Variants in EIF2B3 observed in about 807,000 individuals in gnomAD.
EIF2B3 encodes the protein eukaryotic translation initiation factor 2B subunit gamma.
In EIF2B3, 20 loss-of-function variants were observed where a neutral mutation model predicts 54.1. The observed-to-expected ratio is 0.37, with a 90% CI of 0.26 to 0.54. The LOEUF is 0.54. Ranked by LOEUF, EIF2B3 falls within the 20% of genes least tolerant of loss-of-function variation. The probability of loss-of-function intolerance (pLI) is 0.86; values close to 1 mark genes in which losing one functional copy is unlikely to be tolerated. For synonymous variants in EIF2B3, 153 were observed against 188.1 expected (o/e 0.81, Z 1.52); for missense variants, 448 against 547.8 (o/e 0.82, Z 1.82).
chr1:44,870,176 A>AAG (rs57863923), intron 10 of EIF2B3, among the ~76,000 whole-genome samples: 6,990 of 146,100 alleles, frequency 0.048, 246 homozygotes, highest in African/African-American at 0.096. Context: ...CGTCTCAAAA[A>AAG]AGAGAGAGAG....
intron 4 of EIF2B3, among the ~76,000 whole-genome samples, chr1:44,937,775 G>A (rs906160260): frequency 2.0e-5 from 3 of 151,422 alleles, no homozygotes; most frequent in Non-Finnish European, 2.9e-5. Context: ...TCCCAGCTAC[G>A]CGGGAGGCTG....
intron 1 of EIF2B3, among the ~76,000 whole-genome samples, chr1:44,985,810 G>A (rs1383098562): frequency 1.3e-5 from 2 of 152,188 alleles, no homozygotes; most frequent in East Asian, 3.8e-4. Context: ...TGCCTCCCAA[G>A]CTTTGGAGAG....
chr1:44,877,220 A>AAAAAC (rs1557666602), intron 8 of EIF2B3, among the ~76,000 whole-genome samples: 4 of 148,472 alleles, frequency 2.7e-5, no homozygotes, highest in Non-Finnish European at 4.4e-5. Context: ...AAAAAAAAAA[A>AAAAAC]AACACCTTAG....
intron 1 of EIF2B3, among the ~76,000 whole-genome samples, 182 bp from the exon 2 acceptor site, chr1:44,981,359 T>A (rs984623523): frequency 6.6e-6 from 1 of 152,200 alleles, no homozygotes; most frequent in Non-Finnish European, 1.5e-5. Flanking sequence ...TCTACCAATA[T>A]GTATTCTCAG....
chr1:44,879,710 A>G, intron 8 of EIF2B3, 108 bp downstream of exon 8: 1 of 1,299,448 alleles, frequency 7.7e-7, no homozygotes, highest in East Asian at 2.4e-5. Flanking sequence ...AACCTTGGGA[A>G]TGACAGGGAT....
At chr1:44,876,429 C>T (rs1486198257) in intron 8 of EIF2B3, among the ~76,000 whole-genome samples, 1 of 143,696 alleles carries the variant, frequency 7.0e-6, no homozygotes, top group East Asian at 2.1e-4. Flanking sequence ...CGTCTCTGCC[C>T]GGCCGCCCCG....
In EIF2B3 at chr1:44,858,315, A is replaced by G. The variant is rs148391160; in HGVS notation, c.1203-508T>C. Among the ~76,000 whole-genome samples the G allele has an allele frequency of 6.6e-5, 10 of 152,128 alleles. No individual in the cohort carries two copies. In the East Asian group the frequency reaches 1.9e-3, roughly 29 times the overall value. On this transcript the variant is annotated intron_variant, in intron 10 of 11. Transcript: ENST00000360403. ...GTTCTTTGGTCTGGGGCTGGTCCTT[A>G]GGCTGACCCATCACTGCTGCTTCTC...
chr1:44,957,722 T>C (rs1390389115), intron 3 of EIF2B3, among the ~76,000 whole-genome samples: 2 of 152,034 alleles, frequency 1.3e-5, no homozygotes, highest in East Asian at 1.9e-4. Context: ...GATTGCGCCA[T>C]TGCATTCCAG....
intron 4 of EIF2B3, among the ~76,000 whole-genome samples, chr1:44,937,058 A>G (rs1643955978): frequency 1.3e-5 from 2 of 152,152 alleles, no homozygotes; most frequent in Admixed American, 1.3e-4. Flanking sequence ...AGTGCTGGGT[A>G]TTTTTTTAAA....
intron 3 of EIF2B3, among the ~76,000 whole-genome samples, chr1:44,976,741 CT>C (rs1644457207): frequency 6.6e-6 from 1 of 152,132 alleles, no homozygotes; most frequent in South Asian, 2.1e-4. Flanking sequence ...ATTAGTTATA[CT>C]TTCAATAACA....
chr1:44,985,712 A>G (rs1644567066), intron 1 of EIF2B3, among the ~76,000 whole-genome samples: 1 of 152,244 alleles, frequency 6.6e-6, no homozygotes, highest in Admixed American at 6.5e-5. Context: ...AATCATGAAC[A>G]TAACTAATCA....
At chr1:44,893,738 G>C (rs191088080) in intron 6 of EIF2B3, among the ~76,000 whole-genome samples, 36 of 152,060 alleles carry the variant, frequency 2.4e-4, no homozygotes, top group African/African-American at 8.7e-4. Flanking sequence ...AACACTATAA[G>C]AGGCTGACTG....
At chr1:44,940,335 A>G (rs1255525997) in intron 4 of EIF2B3, among the ~76,000 whole-genome samples, 3 of 152,198 alleles carry the variant, frequency 2.0e-5, no homozygotes, top group Non-Finnish European at 4.4e-5. Flanking sequence ...TTCCAGAGGA[A>G]AACTTCAAGG....
At chr1:44,880,945 A>G (rs944515614) in intron 7 of EIF2B3, among the ~76,000 whole-genome samples, 1 of 152,054 alleles carries the variant, frequency 6.6e-6, no homozygotes, top group Admixed American at 6.5e-5. Context: ...TGGGCGACAG[A>G]GGGAGACTCC....
intron 3 of EIF2B3, among the ~76,000 whole-genome samples, chr1:44,957,542 C>T (rs1644240600): frequency 6.6e-6 from 1 of 152,146 alleles, no homozygotes; most frequent in South Asian, 2.1e-4. Context: ...AGGCAGATCA[C>T]TTGAGCTCAG....
intron 1 of EIF2B3, among the ~76,000 whole-genome samples, chr1:44,983,764 T>C (rs1263757598): frequency 2.0e-5 from 3 of 151,976 alleles, no homozygotes; most frequent in African/African-American, 7.2e-5. Context: ...TTGAGTGCAA[T>C]GGCATGATCT....
intron 3 of EIF2B3, among the ~76,000 whole-genome samples, chr1:44,969,297 A>G (rs1000275219): frequency 1.1e-4 from 17 of 152,206 alleles, no homozygotes; most frequent in Non-Finnish European, 2.9e-5. Flanking sequence ...CAACAATTAA[A>G]TTACAAGGGG....
At chr1:44,946,079 C>T (rs974062396) in intron 3 of EIF2B3, among the ~76,000 whole-genome samples, 6 of 152,184 alleles carry the variant, frequency 3.9e-5, no homozygotes, top group Non-Finnish European at 8.8e-5. Flanking sequence ...GCTGTAGGCT[C>T]ATTTCTCTCT....
chr1:44,977,251 T>C (rs979281430), intron 3 of EIF2B3, among the ~76,000 whole-genome samples: 2 of 152,242 alleles, frequency 1.3e-5, no homozygotes, highest in Non-Finnish European at 2.9e-5. Flanking sequence ...GGGGAGACTA[T>C]GTTCTCATAT....
Sources: gnomAD v4.1 joint callset for allele counts (sites outside exome capture counted in the v4.1 genomes callset) on GRCh38, gnomAD v4.1.1 for gene constraint, MANE v1.5 for transcripts, NCBI Gene and HGNC (gene_info 2026-07-23, HGNC 2026-07-21) for gene names.